FAM118A: variants seen among roughly 807,000 people sequenced by gnomAD.
FAM118A encodes protein FAM118A.
In FAM118A, 25 loss-of-function variants were observed where a neutral mutation model predicts 38.2. The observed-to-expected ratio is 0.65, with a 90% CI of 0.48 to 0.91. The LOEUF (loss-of-function observed/expected upper bound fraction) is 0.91, where lower values mean the gene tolerates loss of function less well. Among genes scored for constraint, FAM118A ranks in the 40% least tolerant of loss-of-function variants. FAM118A has a pLI of 0.00. For synonymous variants in FAM118A, 178 were observed against 184.1 expected (o/e 0.97, Z 0.27); for missense variants, 425 against 463.3 (o/e 0.92, Z 0.76).
chr22:45,312,432 G>C (rs186776460), intron 1 of FAM118A, among the ~76,000 whole-genome samples: 14 of 152,290 alleles, frequency 9.2e-5, no homozygotes, highest in Admixed American at 2.6e-4. Context: ...TAGCACTTTG[G>C]TAGGCCGAGG....
chr22:45,332,409 C>T lies in FAM118A; in HGVS notation c.652-16C>T. ...CTTTCAAATGAGCACTCAATTTCTT[C>T]ATTGGCCTTTTCTAGGAAGTCCTCC... On this transcript the variant is annotated splice_polypyrimidine_tract_variant and intron_variant, in intron 5 of 8. Transcript: ENST00000441876. The T allele has an allele frequency of 6.2e-7, 1 of 1,601,364 alleles. No individual in the cohort carries two copies. The highest frequency in any genetic ancestry group is 8.5e-7 in the Non-Finnish European group (1 of 1,174,346).
intron 1 of FAM118A, among the ~76,000 whole-genome samples, chr22:45,321,286 AAC>A (rs1195922040): frequency 6.6e-6 from 1 of 152,174 alleles, no homozygotes; most frequent in East Asian, 1.9e-4. Context: ...TATAAATGTT[AAC>A]AGTTACTGCT....
At chr22:45,335,522 T>C in intron 7 of FAM118A, 140 bp downstream of exon 7, 1 of 941,844 alleles carries the variant, frequency 1.1e-6, no homozygotes, top group Non-Finnish European at 1.6e-6. Flanking sequence ...CTGAAGATGA[T>C]AAATAGCCAT....
chr22:45,332,475 T>G lies in FAM118A; in HGVS notation c.702T>G (p.Cys234Trp). The change falls in exon 6 of 9, where the codon TGT becomes TGG. Residue 234 changes from cysteine (C) to tryptophan (W), a missense_variant. Coordinates refer to ENST00000441876, the MANE Select transcript of FAM118A (RefSeq NM_017911.4). ...YRTKSFLFVGCGETLRDQIFQ... is the reference protein window; with the variant it reads ...YRTKSFLFVGWGETLRDQIFQ... ...CCAAGTCCTTTCTGTTTGTGGGCTG[T>G]GGGGAGACCCTTCGTGATCAGATAT... The G allele has an allele frequency of 1.2e-6, 2 of 1,614,224 alleles. No homozygotes were observed. Among genetic ancestry groups the G allele is most frequent in the Non-Finnish European group, 1.7e-6 (2 of 1,180,044 alleles).
At chr22:45,332,957 G>A (rs1284358694) in intron 6 of FAM118A, among the ~76,000 whole-genome samples, 1 of 151,904 alleles carries the variant, frequency 6.6e-6, no homozygotes, top group African/African-American at 2.4e-5. Context: ...TGGTCAGGCT[G>A]GTCTCGAACT....
At chr22:45,329,561 G>C (rs1002276938) in intron 4 of FAM118A, 1 of 152,274 alleles carries the variant, frequency 6.6e-6, no homozygotes, top group Non-Finnish European at 1.5e-5. Context: ...TAACACTGCT[G>C]CCTGTGTTGT....
intron 4 of FAM118A, chr22:45,330,369 G>A (rs764100064): frequency 7.5e-5 from 21 of 281,012 alleles, no homozygotes; most frequent in Non-Finnish European, 9.8e-5. Context: ...GGCGCTAACA[G>A]CCGATCCTCT....
At position 45,313,701 on chromosome 22, in the gene FAM118A, G is replaced by A. The variant is rs1446630788; in HGVS notation, c.-10+3518G>A. Among the ~76,000 whole-genome samples, 3 of 152,266 alleles carry A rather than the reference G, an allele frequency of 2.0e-5. No homozygotes were observed. In the East Asian group the frequency reaches 5.8e-4, roughly 29 times the overall value. The stretch of plus-strand genomic sequence containing the variant: ...GAAGAAAAATCTACAGGACTTGTTT[G>A]TTGAAGTCTGGGCTTAGGTGAGGGA... On this transcript the variant is annotated intron_variant, in intron 1 of 8. Transcript: ENST00000441876.
chr22:45,334,692 G>A (rs1013524950), intron 6 of FAM118A, among the ~76,000 whole-genome samples: 1 of 152,286 alleles, frequency 6.6e-6, no homozygotes, highest in East Asian at 1.9e-4. Flanking sequence ...GGCACATAAC[G>A]TGCCCAGACA....
intron 1 of FAM118A, among the ~76,000 whole-genome samples, chr22:45,319,225 C>T (rs1487435822): frequency 6.6e-6 from 1 of 152,112 alleles, no homozygotes; most frequent in Non-Finnish European, 1.5e-5. Context: ...GGTTTTTTTA[C>T]GTCACTGGTT....
At position 45,323,291 on chromosome 22, in the gene FAM118A, GCATCGAGGCCGT is replaced by G. The variant is rs1216071680; in HGVS notation, c.174_185del (p.Val59_Ala62del). ...CCTGCCCTTTGCTCGTGGAGAAGCTGCATCGAGGCCGTCATCGAGGCTGCAGAGCAGCTGGAG... is the reference window on the plus strand; with the variant it reads ...CCTGCCCTTTGCTCGTGGAGAAGCTGCATCGAGGCTGCAGAGCAGCTGGAG... On this transcript the variant is annotated inframe_deletion, in exon 3 of 9. Coordinates refer to ENST00000441876, the MANE Select transcript of FAM118A (RefSeq NM_017911.4). 1.9e-6 allele frequency: 3 copies of G among 1,614,202 alleles called. No individual in the cohort carries two copies. The highest frequency in any genetic ancestry group is 2.5e-6 in the Non-Finnish European group (3 of 1,180,010).
chr22:45,326,565 G>T lies in FAM118A; in HGVS notation c.301-1277G>T, dbSNP rs192993190. Among the ~76,000 whole-genome samples, 132 of 152,266 alleles carry T rather than the reference G, an allele frequency of 8.7e-4. 1 individual carries two copies. The highest frequency in any genetic ancestry group is 3.9e-3 in the Admixed American group (59 of 15,294). ...ATTTAGGCCGGGTATAGTGGCTCAC[G>T]CCTGTAATCCCAGCACTTTGGGAGG... On this transcript the variant is annotated intron_variant, in intron 3 of 8. Coordinates refer to ENST00000441876, the MANE Select transcript of FAM118A (RefSeq NM_017911.4).
chr22:45,332,963 G>A (rs541699137), intron 6 of FAM118A, among the ~76,000 whole-genome samples: 53 of 151,938 alleles, frequency 3.5e-4, no homozygotes, highest in African/African-American at 1.3e-3. Flanking sequence ...GGCTGGTCTC[G>A]AACTCCTGAC....
chr22:45,312,943 G>A (rs1042941529), intron 1 of FAM118A, among the ~76,000 whole-genome samples: 1 of 152,092 alleles, frequency 6.6e-6, no homozygotes, highest in Non-Finnish European at 1.5e-5. Context: ...TTAAACCATT[G>A]GCCTTTGGTG....
intron 3 of FAM118A, among the ~76,000 whole-genome samples, chr22:45,326,278 G>T (rs1195191261): frequency 6.6e-6 from 1 of 152,044 alleles, no homozygotes; most frequent in Non-Finnish European, 1.5e-5. Flanking sequence ...TCCCAGCCAG[G>T]CTTTGGCTGT....
At position 45,330,654 on chromosome 22, in the gene FAM118A, G is replaced by A. The variant is rs770147238; in HGVS notation, c.574G>A (p.Gly192Ser). 5 of 1,600,832 alleles carry A rather than the reference G, an allele frequency of 3.1e-6. No individual in the cohort carries two copies. Among genetic ancestry groups the A allele is most frequent in the African/African-American group, 2.7e-5 (2 of 74,230 alleles). ...GAAGTACGGCGTCCTCCACATTCAC[G>A]GCCTCTACACGGACCCCTGCGGGGT... is the stretch of plus-strand genomic sequence containing the variant. ...HMKYGVLHIH[G>S]LYTDPCGVVL... The change falls in exon 5 of 9, where the codon GGC becomes AGC. Residue 192 changes from glycine to serine, a missense_variant. Physicochemically the swap from Gly to Ser is moderately conservative, Grantham distance 56. Coordinates refer to ENST00000441876, the MANE Select transcript of FAM118A (RefSeq NM_017911.4).
chr22:45,331,237 T>C (rs2085693152), intron 5 of FAM118A, among the ~76,000 whole-genome samples: 1 of 152,088 alleles, frequency 6.6e-6, no homozygotes, highest in South Asian at 2.1e-4. Context: ...GGCAGGAGGA[T>C]TGCTTGAGTC....
At chr22:45,334,064 CACTTT>C (rs1222025911) in intron 6 of FAM118A, among the ~76,000 whole-genome samples, 1 of 152,160 alleles carries the variant, frequency 6.6e-6, no homozygotes, top group Non-Finnish European at 1.5e-5. Context: ...ATTTCATGAA[CACTTT>C]ACTTCTTTTT....
chr22:45,329,720 G>A (rs1601953296), intron 4 of FAM118A: 2 of 152,448 alleles, frequency 1.3e-5, no homozygotes, highest in Non-Finnish European at 2.9e-5. Flanking sequence ...GTGCCATGGA[G>A]TAGACATCTG....
Sources: allele counts gnomAD v4.1 joint callset (sites outside exome capture counted in the v4.1 genomes callset), GRCh38; gene constraint gnomAD v4.1.1; transcripts MANE v1.5; gene names NCBI Gene and HGNC (gene_info 2026-07-23, HGNC 2026-07-21).